The following STRN4 variants were observed in gnomAD, a reference collection of about 807,000 sequenced individuals.
STRN4 encodes striatin-4.
Under a neutral mutation model 77.9 loss-of-function variants are expected in STRN4, and 27 were observed. That is an observed-to-expected ratio of 0.35 (90% CI 0.26 to 0.48). The LOEUF (loss-of-function observed/expected upper bound fraction) is 0.48, where lower values mean the gene tolerates loss of function less well. STRN4 is among the 20% of genes least tolerant of loss of function. STRN4 has a pLI of 0.99. For synonymous variants in STRN4, 466 were observed against 443.1 expected, an observed-to-expected ratio of 1.05 and a Z score of -0.65; for missense variants, 798 against 1,049.7, an observed-to-expected ratio of 0.76 and a Z score of 3.31.
In STRN4 at chr19:46,746,407, G is replaced by T. The variant is rs1019521143; in HGVS notation, c.24C>A (p.Ala8=). MMEERAA[A]AVAAAASSCR... Reference sequence around the variant, plus strand: ...AGGAGGAGGCGGCGGCGGCGACCGCGGCGGCCGCTCGCTCCTCCATCATGG... The same window carrying T: ...AGGAGGAGGCGGCGGCGGCGACCGCTGCGGCCGCTCGCTCCTCCATCATGG... The change falls in exon 1 of 18, where the codon GCC becomes GCA. Residue 8 remains alanine, a synonymous_variant. Coordinates refer to ENST00000263280, the MANE Select transcript of STRN4 (RefSeq NM_013403.3). 16 of 1,050,638 alleles carry T rather than the reference G, an allele frequency of 1.5e-5. No individual in the cohort carries two copies. Among genetic ancestry groups the T allele is most frequent in the Non-Finnish European group, 1.7e-5 (15 of 875,306 alleles). The allele number at this position is 1,050,638 out of a possible 1,614,324, so 65.1% of individuals were successfully genotyped here.
chr19:46,727,735 G>A, intron 8 of STRN4, 159 bp downstream of exon 8: 4 of 774,294 alleles, frequency 5.2e-6, no homozygotes, highest in South Asian at 3.6e-5. Flanking sequence ...CAGACAAAAA[G>A]AGAGGGAGAC....
intron 14 of STRN4, among the ~76,000 whole-genome samples, chr19:46,722,547 T>C (rs1372437630): frequency 6.6e-6 from 1 of 151,924 alleles, no homozygotes; most frequent in African/African-American, 2.4e-5. Flanking sequence ...GGAAGAGGAA[T>C]AACAAACATG....
intron 4 of STRN4, chr19:46,734,006 C>G (rs1311170536): frequency 1.3e-5 from 2 of 152,224 alleles, no homozygotes; most frequent in Non-Finnish European, 2.9e-5. Flanking sequence ...TTTGCCGTTC[C>G]CTGTCCCTTC....
intron 6 of STRN4, among the ~76,000 whole-genome samples, chr19:46,729,091 A>G (rs2054190482): frequency 6.6e-6 from 1 of 152,232 alleles, no homozygotes; most frequent in Non-Finnish European, 1.5e-5. Flanking sequence ...GGGAGGGCAG[A>G]TATGCACTGG....
intron 6 of STRN4, chr19:46,728,980 C>T: frequency 1.7e-6 from 1 of 599,414 alleles, no homozygotes; most frequent in East Asian, 2.9e-5. Context: ...CTGACCCCAC[C>T]CTCACGCAGT....
intron 9 of STRN4, among the ~76,000 whole-genome samples, chr19:46,727,116 C>T (rs960592034): frequency 6.7e-6 from 1 of 149,148 alleles, no homozygotes; most frequent in Non-Finnish European, 1.5e-5. Flanking sequence ...CACTGAGGCC[C>T]GGAACATTTC....
intron 13 of STRN4, 22 bp from the exon 14 acceptor site, chr19:46,722,972 G>C: frequency 6.2e-7 from 1 of 1,613,082 alleles, no homozygotes. Context: ...GGGAAGAGAA[G>C]GCTGCTGAAT....
chr19:46,727,602 C>T, intron 8 of STRN4, 56 bp from the exon 9 acceptor site: 1 of 1,426,212 alleles, frequency 7.0e-7, no homozygotes, highest in Non-Finnish European at 9.9e-7. Context: ...GCAGAGAGGG[C>T]CAGGGAGAGA....
chr19:46,741,057 C>T lies in STRN4; in HGVS notation c.283-2169G>A, dbSNP rs1164666840. Among the ~76,000 whole-genome samples the T allele has an allele frequency of 6.6e-6, 1 of 152,114 alleles. No homozygotes were observed. Among genetic ancestry groups the T allele is most frequent in the Non-Finnish European group, 1.5e-5 (1 of 68,032 alleles). On this transcript the variant is annotated intron_variant, in intron 1 of 17. Coordinates refer to ENST00000263280, the MANE Select transcript of STRN4 (RefSeq NM_013403.3). This position sits in a 1 kb window ranked among gnomAD's most constrained non-coding sequence, Gnocchi z 4.9. ...AGGGTTTTAAGTACAGAGAGGTAAC[C>T]GATTCGCATGTTATAAAGGCAGCTC... is the stretch of plus-strand genomic sequence containing the variant.
At position 46,733,059 on chromosome 19, in the gene STRN4, C is replaced by G. The variant is rs758245175; in HGVS notation, c.717G>C (p.Gln239His). 1.2e-6 allele frequency: 2 copies of G among 1,611,672 alleles called. No homozygotes were observed. The highest frequency in any genetic ancestry group is 3.3e-5 in the Admixed American group (2 of 59,938). ...LSGGESLLVK[Q>H]IEEQIKRNAA... ...CTCACCTCTTTATCTGCTCCTCGAT[C>G]TGTTTCACCAGCAGCGACTCCCCAC... Residue 239 changes from glutamine to histidine, a missense_variant, in exon 5 of 18, where the codon CAG becomes CAC. This residue lies in a region of STRN4 where 511 missense variants were observed against 575.9 expected (regional missense o/e 0.89). Coordinates refer to ENST00000263280, the MANE Select transcript of STRN4 (RefSeq NM_013403.3). This position sits in a 1 kb window ranked among gnomAD's most constrained non-coding sequence, Gnocchi z 4.3.
Position 46,738,997 on chromosome 19 carries a change from T to G in STRN4, c.283-109A>C. The G allele has an allele frequency of 3.4e-5, 30 of 870,044 alleles. No homozygotes were observed. The highest frequency in any genetic ancestry group is 5.2e-5 in the East Asian group (2 of 38,812). 53.9% of individuals were successfully genotyped at this position (870,044 alleles called of 1,614,324 possible). ...CCAGCCCACAGTCACCCCACAGTAA[T>G]GGGCAGCAGCCACTTCCTCAGGCAC... On this transcript the variant is annotated intron_variant, in intron 1 of 17. Transcript: ENST00000263280. This position sits in a 1 kb window ranked among gnomAD's most constrained non-coding sequence, Gnocchi z 4.5.
Position 46,725,459 on chromosome 19 carries a change from C to T in STRN4, c.1424+14G>A. The T allele has an allele frequency of 1.9e-6, 3 of 1,613,808 alleles. No individual in the cohort carries two copies. Among genetic ancestry groups the T allele is most frequent in the Non-Finnish European group, 2.5e-6 (3 of 1,179,882 alleles). On this transcript the variant is annotated intron_variant, in intron 10 of 17. Transcript: ENST00000263280. Reference sequence around the variant, plus strand: ...AGATGCCCCTGCCCCCGGCTCTGAGCTTGCTGCCCTCACTTCTTGGCCGTG... The same window carrying T: ...AGATGCCCCTGCCCCCGGCTCTGAGTTTGCTGCCCTCACTTCTTGGCCGTG...
chr19:46,742,474 G>A lies in STRN4; in HGVS notation c.283-3586C>T, dbSNP rs576937408. On this transcript the variant is annotated intron_variant, in intron 1 of 17. Transcript: ENST00000263280. The stretch of plus-strand genomic sequence containing the variant: ...AAGTCACACCGTCTGTTAGCACTAA[G>A]TGTTCAAGTAAAGGTGTGTAAAAGA... Among the ~76,000 whole-genome samples, 19 of 152,342 alleles carry A rather than the reference G, an allele frequency of 1.2e-4. No individual in the cohort carries two copies. The South Asian group carries it at 3.7e-3, about 30-fold the overall frequency.
Position 46,733,414 on chromosome 19 carries a change from C to T in STRN4, c.540-178G>A. On this transcript the variant is annotated intron_variant, in intron 4 of 17. Coordinates refer to ENST00000263280, the MANE Select transcript of STRN4 (RefSeq NM_013403.3). This position sits in a 1 kb window ranked among gnomAD's most constrained non-coding sequence, Gnocchi z 4.3. The stretch of plus-strand genomic sequence containing the variant: ...GTCAAGGCTATTTCCAGTGGAAGCC[C>T]TTGTACACACACACAATGCTATGTG... 3 of 621,888 alleles carry T rather than the reference C, an allele frequency of 4.8e-6. No homozygotes were observed. The highest frequency in any genetic ancestry group is 8.5e-6 in the Non-Finnish European group (3 of 351,438). 38.5% of individuals were successfully genotyped at this position (621,888 alleles called of 1,614,324 possible).
chr19:46,722,141 T>C, intron 15 of STRN4, 69 bp from the exon 16 acceptor site: 1 of 1,603,948 alleles, frequency 6.2e-7, no homozygotes, highest in South Asian at 1.1e-5. Flanking sequence ...GTGAAAGGAC[T>C]GGACGAGAGA....
intron 1 of STRN4, chr19:46,745,928 T>A: frequency 4.2e-5 from 14 of 333,312 alleles, no homozygotes; most frequent in East Asian, 1.3e-4. Flanking sequence ...GTCCCTCCAC[T>A]CCCACCTCGG....
Position 46,733,158 on chromosome 19 carries a change from C to T in STRN4, c.618G>A (p.Ser206=), listed in dbSNP as rs139492790. Residue 206 remains serine, a synonymous_variant, in exon 5 of 18, where the codon TCG becomes TCA. Transcript: ENST00000263280. The surrounding 1 kb of genome is among the most constrained non-coding windows in gnomAD (Gnocchi z 4.3). The stretch of plus-strand genomic sequence containing the variant: ...GCTCCACTGCCCCGTTGAGCTCCAG[C>T]GAGCGGCCCAGCAGGGAACGGACGC... ...SKRVRSLLGR[S]LELNGAVEPS... 21 of 1,611,790 alleles carry T rather than the reference C, an allele frequency of 1.3e-5. No individual in the cohort carries two copies. Among genetic ancestry groups the T allele is most frequent in the East Asian group, 2.2e-5 (1 of 44,884 alleles).
chr19:46,728,031 G>A (rs370571482), intron 7 of STRN4, 24 bp from the exon 8 acceptor site: 153 of 1,605,824 alleles, frequency 9.5e-5, no homozygotes, highest in Middle Eastern at 6.6e-4. Flanking sequence ...GCATAGGGCC[G>A]GAGTCACCCA....
Position 46,723,969 on chromosome 19 carries a change from CG to C in STRN4, c.1595-686del, listed in dbSNP as rs2054041949. 6.6e-6 allele frequency among the ~76,000 whole-genome samples: 1 copy of C among 152,082 alleles called. No homozygotes were observed. Among genetic ancestry groups the C allele is most frequent in the Non-Finnish European group, 1.5e-5 (1 of 68,012 alleles). On this transcript the variant is annotated intron_variant, in intron 12 of 17. Transcript: ENST00000263280. This position sits in a 1 kb window ranked among gnomAD's most constrained non-coding sequence, Gnocchi z 5.5. ...AGGTGCATGATCAAGGAGGCAGAGCCGGGCGCAGTGGCTCATGCCTGCAATC... is the reference window on the plus strand; with the variant it reads ...AGGTGCATGATCAAGGAGGCAGAGCCGGCGCAGTGGCTCATGCCTGCAATC...
Sources: gnomAD v4.1 joint callset for allele counts (sites outside exome capture counted in the v4.1 genomes callset) on GRCh38, gnomAD v4.1.1 for gene constraint, gnomAD v4.1.1 regional missense constraint, Gnocchi (gnomAD v3.1) non-coding constraint, MANE v1.5 for transcripts, NCBI Gene and HGNC (gene_info 2026-07-23, HGNC 2026-07-21) for gene names.